The following CSPG4 variants were observed in gnomAD, a reference collection of about 807,000 sequenced individuals.
CSPG4 encodes the protein chondroitin sulfate proteoglycan 4.
In CSPG4, 74 loss-of-function variants were observed where a neutral mutation model predicts 139.3. That is an observed-to-expected ratio of 0.53 (90% CI 0.44 to 0.64). The LOEUF is 0.64. CSPG4 is among the 30% of genes least tolerant of loss of function. The pLI, the probability that CSPG4 is intolerant of heterozygous loss-of-function variation, is 0.00. For missense variants in CSPG4, 2,565 were observed against 3,148.3 expected (o/e 0.81, Z 4.43); for synonymous variants, 1,234 against 1,394.2 (o/e 0.89, Z 2.56).
intron 3 of CSPG4, among the ~76,000 whole-genome samples, chr15:75,686,730 A>G (rs1203923561): frequency 6.6e-6 from 1 of 152,056 alleles, no homozygotes; most frequent in Non-Finnish European, 1.5e-5. Context: ...GTAGGAGAGT[A>G]AGGCCAAGAG....
At chr15:75,701,206 A>G (rs914223917) in intron 1 of CSPG4, among the ~76,000 whole-genome samples, 4 of 152,216 alleles carry the variant, frequency 2.6e-5, no homozygotes, top group Non-Finnish European at 5.9e-5. Flanking sequence ...TCTTGAGGAC[A>G]GGACCAGGGC....
chr15:75,687,987 G>C lies in CSPG4; in HGVS notation c.3078C>G (p.Ile1026Met). 7.4e-6 allele frequency: 12 copies of C among 1,612,594 alleles called. No homozygotes were observed. Among genetic ancestry groups the C allele is most frequent in the Non-Finnish European group, 1.0e-5 (12 of 1,179,808 alleles). The stretch of plus-strand genomic sequence containing the variant: ...GCCGCCCACCCCGGGCCACATGGAA[G>C]ATCCGGCTGATGGTCTGCACAGGGG... ...DHAPVQTISR[I>M]FHVARGGRRL... The change falls in exon 3 of 10, where the codon ATC becomes ATG. Residue 1026 changes from isoleucine (I) to methionine (M), a missense_variant. Physicochemically the swap from Ile to Met is conservative, Grantham distance 10. Transcript: ENST00000308508. The surrounding 1 kb of genome is among the most constrained non-coding windows in gnomAD (Gnocchi z 5.4).
chr15:75,682,661 G>T lies in CSPG4; in HGVS notation c.4729C>A (p.Gln1577Lys), dbSNP rs1320660791. The T allele has an allele frequency of 6.2e-7, 1 of 1,613,142 alleles. No individual in the cohort carries two copies. The highest frequency in any genetic ancestry group is 8.5e-7 in the Non-Finnish European group (1 of 1,180,028). ...SPGHFFRVTA[Q>K]KQVLLSLKGS... ...TTCAGCGAGAGGAGCACTTGCTTCT[G>T]GGCCGTCACTCGGAAGAAGTGTCCG... The change falls in exon 7 of 10, where the codon CAG becomes AAG. Residue 1577 changes from glutamine (Q) to lysine (K), a missense_variant. Physicochemically the swap from Gln to Lys is moderately conservative, Grantham distance 53. Around this residue, in one of 5 missense-constraint regions of CSPG4, gnomAD observed 2,316 missense variants for 2,818.2 expected, o/e 0.82. Coordinates refer to ENST00000308508, the MANE Select transcript of CSPG4 (RefSeq NM_001897.5).
Position 75,677,253 on chromosome 15 carries a change from TG to T in CSPG4, c.5265del (p.Ser1756AlafsTer29). Reference protein sequence around the residue: ...HDVLFQVTQFPSRGQLLVSEE... With the variant: ...HDVLFQVTQFXSRGQLLVSEE... ...TCGGACACCAACAGCTGGCCCCGGC[TG>T]GGGAACTGTGTGACCTGGAAGAGCA... On this transcript the variant is annotated frameshift_variant, in exon 10 of 10. Transcript: ENST00000308508. LOFTEE classifies it low-confidence loss of function (END_TRUNC). 1.3e-6 allele frequency: 2 copies of T among 1,490,670 alleles called. No individual in the cohort carries two copies. Among genetic ancestry groups the T allele is most frequent in the Admixed American group, 4.4e-5 (2 of 44,982 alleles). The allele number at this position is 1,490,670 out of a possible 1,614,324, so 92.3% of individuals were successfully genotyped here. A position where few individuals can be genotyped will look rare whatever the true frequency, so the allele number is the denominator to read the frequency against.
chr15:75,697,933 G>A (rs1894249032), intron 1 of CSPG4, among the ~76,000 whole-genome samples: 3 of 152,336 alleles, frequency 2.0e-5, no homozygotes, highest in African/African-American at 7.2e-5. Context: ...ATGGGAGAAA[G>A]TTATTAAAAC....
intron 1 of CSPG4, among the ~76,000 whole-genome samples, chr15:75,703,999 A>G (rs1596013716): frequency 2.1e-5 from 2 of 93,202 alleles, no homozygotes; most frequent in Non-Finnish European, 2.2e-5. Context: ...GGGGGTGGAG[A>G]GGAGCCGCTG....
rs991854048 is a variant in CSPG4 at position 75,687,141 on chromosome 15, C to T, written c.3789+135G>A. ...TGGGAGCACAACATATACGGGAGCA[C>T]ATCTGAGGCACGTGCACACATGTAA... On this transcript the variant is annotated intron_variant, in intron 3 of 9. Transcript: ENST00000308508. The surrounding 1 kb of genome is among the most constrained non-coding windows in gnomAD (Gnocchi z 5.4). The T allele has an allele frequency of 8.8e-6, 9 of 1,024,114 alleles. No individual in the cohort carries two copies. Among genetic ancestry groups the T allele is most frequent in the African/African-American group, 1.6e-5 (1 of 63,678 alleles). 63.4% of individuals were successfully genotyped at this position (1,024,114 alleles called of 1,614,324 possible).
chr15:75,686,458 AC>A (rs1272429715), intron 3 of CSPG4, among the ~76,000 whole-genome samples: 1 of 151,524 alleles, frequency 6.6e-6, no homozygotes, highest in African/African-American at 2.4e-5. Flanking sequence ...CAAAGGCCAC[AC>A]GGGCTCCCTC....
Position 75,709,750 on chromosome 15 carries a change from T to A in CSPG4, c.88+2918A>T, listed in dbSNP as rs549751386. On this transcript the variant is annotated intron_variant, in intron 1 of 9. Coordinates refer to ENST00000308508, the MANE Select transcript of CSPG4 (RefSeq NM_001897.5). ...TCTGAGAGCTCCACACGCACCCTAC[T>A]CCCCTCCTGCCGTCATCGACAGCCG... 1.3e-3 allele frequency among the ~76,000 whole-genome samples: 199 copies of A among 151,896 alleles called. 1 individual carries two copies. Among genetic ancestry groups the A allele is most frequent in the African/African-American group, 4.7e-3 (194 of 41,384 alleles).
rs756256496 is a variant in CSPG4, at chr15:75,676,077, C to T, written c.6442G>A (p.Ala2148Thr). 2 of 1,533,052 alleles carry T rather than the reference C, an allele frequency of 1.3e-6. No individual in the cohort carries two copies. Among genetic ancestry groups the T allele is most frequent in the East Asian group, 2.4e-5 (1 of 41,192 alleles). 95.0% of individuals were successfully genotyped at this position (1,533,052 alleles called of 1,614,324 possible). A position where few individuals can be genotyped will look rare whatever the true frequency, so the allele number is the denominator to read the frequency against. ...AGDSLTLELW[A>T]QGVPPAVASL... is the part of the protein sequence containing the mutation. ...GCCACAGCAGGCGGGACGCCCTGTGCCCACAGCTCCAGAGTGAGACTGTCA... is the reference window on the plus strand; with the variant it reads ...GCCACAGCAGGCGGGACGCCCTGTGTCCACAGCTCCAGAGTGAGACTGTCA... Residue 2148 changes from alanine (A) to threonine (T), a missense_variant, in exon 10 of 10, where the codon GCA becomes ACA. Around this residue, in one of 5 missense-constraint regions of CSPG4, gnomAD observed 2,316 missense variants for 2,818.2 expected, o/e 0.82. Coordinates refer to ENST00000308508, the MANE Select transcript of CSPG4 (RefSeq NM_001897.5).
chr15:75,676,449 A>G lies in CSPG4; in HGVS notation c.6070T>C (p.Phe2024Leu). Residue 2024 changes from phenylalanine (F) to leucine (L), a missense_variant, in exon 10 of 10, where the codon TTC becomes CTC. Phe to Leu is a conservative substitution (Grantham distance 22). Around this residue, in one of 5 missense-constraint regions of CSPG4, gnomAD observed 2,316 missense variants for 2,818.2 expected, o/e 0.82. Transcript: ENST00000308508. ...CCCCTAGCCAGTGCCAGGACTCTGA[A>G]GTGGTCATGAGAGGAGGAGAAGTTG... ...FTNFSSSHDH[F>L]RVLALARGVN... is the part of the protein sequence containing the mutation. 1 of 1,613,974 alleles carries G rather than the reference A, an allele frequency of 6.2e-7. No homozygotes were observed. The highest frequency in any genetic ancestry group is 8.5e-7 in the Non-Finnish European group (1 of 1,180,018).
chr15:75,689,014 G>A lies in CSPG4; in HGVS notation c.2051C>T (p.Ala684Val), dbSNP rs80089490. ...GGCATTGGTCTCCACCGACAGGTTG[G>A]CGGGCAAGATGGGCATGGCAGAGCC... ...AQGSAMPILP[A>V]NLSVETNAVG... is the part of the protein sequence containing the mutation. The change falls in exon 3 of 10, where the codon GCC (alanine) becomes GTC (valine). Residue 684 changes from alanine (A) to valine (V), a missense_variant. Coordinates refer to ENST00000308508, the MANE Select transcript of CSPG4 (RefSeq NM_001897.5). 5,053 of 1,612,164 alleles carry A rather than the reference G, an allele frequency of 3.1e-3. 78 individuals carry two copies. In the African/African-American group the frequency reaches 0.043, roughly 14 times the overall value.
In CSPG4 at chr15:75,676,014, G is replaced by A. The variant is rs148844244; in HGVS notation, c.6505C>T (p.Arg2169Trp). The stretch of plus-strand genomic sequence containing the variant: ...CTGAGCAGGGCCACGCTGTAGGGCC[G>A]GGCAGCATTGTAAGGCTCAGTGGCA... ...DFATEPYNAA[R>W]PYSVALLSVP... Residue 2169 changes from arginine to tryptophan, a missense_variant, in exon 10 of 10, where the codon CGG becomes TGG. Transcript: ENST00000308508. 79 of 1,562,650 alleles carry A rather than the reference G, an allele frequency of 5.1e-5. No individual in the cohort carries two copies. In the Admixed American group the frequency reaches 6.2e-4, roughly 12 times the overall value.
intron 1 of CSPG4, among the ~76,000 whole-genome samples, chr15:75,699,591 A>G (rs374241592): frequency 7.5e-4 from 113 of 151,436 alleles, no homozygotes; most frequent in Non-Finnish European, 1.2e-3. Flanking sequence ...TAGGGGCTGC[A>G]CCCTGGGCTC....
At position 75,683,457 on chromosome 15, in the gene CSPG4, C is replaced by T. The variant is rs374237401; in HGVS notation, c.4450-416G>A. On this transcript the variant is annotated intron_variant, in intron 5 of 9. Transcript: ENST00000308508. ...TTCAGAGCCTCCGTGTGTGCCTGGC[C>T]GGGGCCGGGCACAGGTGGGAATGGT... Among the ~76,000 whole-genome samples the T allele has an allele frequency of 5.3e-4, 81 of 152,280 alleles. 1 individual carries two copies. Among genetic ancestry groups the T allele is most frequent in the East Asian group, 3.9e-3 (20 of 5,176 alleles).
intron 1 of CSPG4, among the ~76,000 whole-genome samples, chr15:75,707,529 A>C (rs1014266703): frequency 1.3e-5 from 2 of 152,226 alleles, no homozygotes; most frequent in African/African-American, 4.8e-5. Context: ...GGCAGTGGGC[A>C]GGAGTGGGAA....
intron 1 of CSPG4, among the ~76,000 whole-genome samples, chr15:75,697,248 C>T (rs1249433525): frequency 1.3e-5 from 2 of 152,180 alleles, no homozygotes; most frequent in African/African-American, 2.4e-5. Context: ...CCTCTGCTCC[C>T]CCTGGTCTCC....
At position 75,698,261 on chromosome 15, in the gene CSPG4, T is replaced by C. The variant is rs1261492480; in HGVS notation, c.89-5028A>G. On this transcript the variant is annotated intron_variant, in intron 1 of 9. Coordinates refer to ENST00000308508, the MANE Select transcript of CSPG4 (RefSeq NM_001897.5). The surrounding 1 kb of genome is among the most constrained non-coding windows in gnomAD (Gnocchi z 4.3). ...GAGGGGGCTGTGGGATGGGGTATTC[T>C]GGGAGGGCCAAGGCCGGGATGAAGG... 8.0e-6 allele frequency among the ~76,000 whole-genome samples: 1 copy of C among 124,492 alleles called. No individual in the cohort carries two copies. Among genetic ancestry groups the C allele is most frequent in the African/African-American group, 3.2e-5 (1 of 31,144 alleles). 81.7% of individuals were successfully genotyped at this position (124,492 alleles called of 152,430 possible).
Position 75,688,583 on chromosome 15 carries a change from C to G in CSPG4, c.2482G>C (p.Ala828Pro). 6.2e-7 allele frequency: 1 copy of G among 1,612,998 alleles called. No individual in the cohort carries two copies. Residue 828 changes from alanine (A) to proline (P), a missense_variant, in exon 3 of 10, where the codon GCT becomes CCT. Ala to Pro is a conservative substitution (Grantham distance 27, BLOSUM62 -1). Transcript: ENST00000308508. ...AGTTGAAGGTTGCCTTTCCTGGGAG[C>G]CTGAACCACCTCATAATGGAAGGTT... Reference protein sequence around the residue: ...PPTFHYEVVQAPRKGNLQLQG... With the variant: ...PPTFHYEVVQPPRKGNLQLQG...
Sources: gnomAD v4.1 joint callset for allele counts (sites outside exome capture counted in the v4.1 genomes callset) on GRCh38, gnomAD v4.1.1 for gene constraint, gnomAD v4.1.1 regional missense constraint, Gnocchi (gnomAD v3.1) non-coding constraint, MANE v1.5 for transcripts, NCBI Gene and HGNC (gene_info 2026-07-23, HGNC 2026-07-21) for gene names.